Variants in PCDH11X observed in about 807,000 individuals in gnomAD.
The protein encoded by PCDH11X is protocadherin-11 X-linked.
A neutral mutation model predicts 53.3 loss-of-function variants in PCDH11X; 18 were observed. The observed-to-expected ratio is 0.34, with a 90% CI of 0.23 to 0.50. The LOEUF is 0.50. PCDH11X is among the 20% of genes least tolerant of loss of function. The probability of loss-of-function intolerance (pLI) is 0.98; values close to 1 mark genes in which losing one functional copy is unlikely to be tolerated. For missense variants in PCDH11X, 570 were observed against 1,032.4 expected (o/e 0.55, Z 6.14); for synonymous variants, 279 against 393.3 (o/e 0.71, Z 3.44).
intron 10 of PCDH11X, among the ~76,000 whole-genome samples, chrX:92,613,185 G>T (rs923291389): frequency 2.9e-4 from 32 of 109,603 alleles, no homozygotes; most frequent in African/African-American, 1.1e-3. Context: ...TTTTGTGGTT[G>T]CTTTATAGGG....
At chrX:92,068,480 C>T (rs1240095499) in intron 6 of PCDH11X, among the ~76,000 whole-genome samples, 5 of 108,981 alleles carry the variant, frequency 4.6e-5, no homozygotes, top group Non-Finnish European at 9.5e-5. Flanking sequence ...ATAGCTTCCA[C>T]AATTCCTCTG....
chrX:92,466,929 A>C (rs750728823), intron 9 of PCDH11X, among the ~76,000 whole-genome samples: 1 of 109,746 alleles, frequency 9.1e-6, no homozygotes, highest in East Asian at 2.9e-4. Context: ...TTCTCTTTTT[A>C]GAGTTTTGTA....
At chrX:92,488,320 G>A (rs1444785851) in intron 10 of PCDH11X, among the ~76,000 whole-genome samples, 1 of 111,233 alleles carries the variant, frequency 9.0e-6, no homozygotes, top group African/African-American at 3.3e-5. Context: ...TAAGCTCTAT[G>A]ATGGCAGCAG....
At chrX:92,253,868 A>T (rs2067509323) in intron 7 of PCDH11X, among the ~76,000 whole-genome samples, 1 of 112,066 alleles carries the variant, frequency 8.9e-6, no homozygotes, top group African/African-American at 3.2e-5. Flanking sequence ...ATATAAGAAC[A>T]TATGATCTGC....
intron 6 of PCDH11X, among the ~76,000 whole-genome samples, chrX:92,199,707 G>A (rs1232221187): frequency 9.1e-6 from 1 of 110,052 alleles, no homozygotes; most frequent in Non-Finnish European, 1.9e-5. Context: ...ATATTGGCAG[G>A]GGTGGGGGGA....
At chrX:92,397,486 G>C (rs2071273652) in intron 9 of PCDH11X, among the ~76,000 whole-genome samples, 1 of 109,072 alleles carries the variant, frequency 9.2e-6, no homozygotes, top group African/African-American at 3.4e-5. Context: ...TTTTTGGGTG[G>C]GGGGACGGAA....
In PCDH11X at chrX:92,622,355, A is replaced by AAAATTAAAG. The variant is rs1928573734; in HGVS notation, c.*3416_*3424dup. ...ACAAAAAATCCTTTTCAATCCTGAG[A>AAAATTAAAG]AAATTAAAGGCGTTTTACTCACATG... is the stretch of plus-strand genomic sequence containing the variant. On this transcript the variant is annotated 3_prime_UTR_variant, in exon 11 of 11. Coordinates refer to ENST00000682573, the MANE Select transcript of PCDH11X (RefSeq NM_032968.5). The AAAATTAAAG allele has an allele frequency of 9.0e-6, 1 of 110,813 alleles. No homozygotes were observed. Among genetic ancestry groups the AAAATTAAAG allele is most frequent in the Non-Finnish European group, 1.9e-5 (1 of 52,763 alleles). The allele number at this position is 110,813 out of a possible 1,213,427, so 9.1% of individuals were successfully genotyped here.
At chrX:91,990,101 C>T (rs1384966651) in intron 6 of PCDH11X, among the ~76,000 whole-genome samples, 1 of 109,746 alleles carries the variant, frequency 9.1e-6, no homozygotes, top group African/African-American at 3.3e-5. Context: ...TTAAACCCAT[C>T]CACTGAGTTT....
At chrX:92,211,767 T>C (rs2066590226) in intron 7 of PCDH11X, among the ~76,000 whole-genome samples, 1 of 111,807 alleles carries the variant, frequency 8.9e-6, no homozygotes, top group Non-Finnish European at 1.9e-5. Flanking sequence ...CTATAATTTA[T>C]GACAGAATGA....
intron 9 of PCDH11X, among the ~76,000 whole-genome samples, chrX:92,408,917 A>G (rs1461707368): frequency 6.7e-5 from 7 of 104,903 alleles, no homozygotes; most frequent in Non-Finnish European, 5.8e-5. Context: ...TCAAATCTAT[A>G]TAGAATTTAT....
intron 8 of PCDH11X, among the ~76,000 whole-genome samples, chrX:92,334,094 CTG>C (rs1449096425): frequency 1.5e-4 from 17 of 111,434 alleles, no homozygotes; most frequent in African/African-American, 5.2e-4. Flanking sequence ...AACTTACAAA[CTG>C]TGTAGCCTAC....
chrX:92,353,720 A>T lies in PCDH11X; in HGVS notation c.3145-34015A>T, dbSNP rs906012880. On this transcript the variant is annotated intron_variant, in intron 8 of 10. Transcript: ENST00000682573. ...TCTTTCCATTTCTTTAGCTATCTTT[A>T]ACATTCACATCGAATAATTTTCTAA... Among the ~76,000 whole-genome samples the T allele has an allele frequency of 4.6e-5, 5 of 108,825 alleles. No homozygotes were observed. The South Asian group carries it at 1.2e-3, about 26-fold the overall frequency. 94.5% of individuals were successfully genotyped at this position (108,825 alleles called of 115,157 possible).
intron 10 of PCDH11X, among the ~76,000 whole-genome samples, chrX:92,563,047 G>GTTTTTTTTTTT (rs61411325): frequency 2.3e-5 from 1 of 43,875 alleles, no homozygotes; most frequent in African/African-American, 9.6e-5. Context: ...CCTTGGTACC[G>GTTTTTTTTTTT]TTTTTTTTTT....
rs58574424 is a variant in PCDH11X at position 92,575,905 on chromosome X, G to GTATATATA, written c.3368-42326_3368-42319dup. Among the ~76,000 whole-genome samples, 5 of 25,828 alleles carry GTATATATA rather than the reference G, an allele frequency of 1.9e-4. No homozygotes were observed. In the East Asian group the frequency reaches 0.01, roughly 53 times the overall value. 22.4% of individuals were successfully genotyped at this position (25,828 alleles called of 115,157 possible). ...CGGAATTTTGTAGGTTACCTGGTGTGTATATATATATATATATATATATAT... is the reference window on the plus strand; with the variant it reads ...CGGAATTTTGTAGGTTACCTGGTGTGTATATATATATATATATATATATATATATATAT... On this transcript the variant is annotated intron_variant, in intron 10 of 10. Coordinates refer to ENST00000682573, the MANE Select transcript of PCDH11X (RefSeq NM_032968.5).
At chrX:92,019,714 A>G (rs2062853344) in intron 6 of PCDH11X, among the ~76,000 whole-genome samples, 1 of 112,358 alleles carries the variant, frequency 8.9e-6, no homozygotes, top group South Asian at 3.7e-4. Flanking sequence ...GGCAGTGTTT[A>G]GCGGGAAACT....
chrX:92,001,868 A>C (rs918859148), intron 6 of PCDH11X, among the ~76,000 whole-genome samples: 9 of 107,011 alleles, frequency 8.4e-5, no homozygotes, highest in Non-Finnish European at 3.9e-5. Flanking sequence ...CACTTTTTTT[A>C]TTGTATCTTT....
chrX:92,494,116 C>T (rs1252890724), intron 10 of PCDH11X, among the ~76,000 whole-genome samples: 2 of 109,410 alleles, frequency 1.8e-5, no homozygotes, highest in Non-Finnish European at 3.8e-5. Context: ...TGCATATTAT[C>T]TATTCTAAAG....
At chrX:92,306,324 G>A (rs2068827263) in intron 8 of PCDH11X, among the ~76,000 whole-genome samples, 1 of 104,825 alleles carries the variant, frequency 9.5e-6, no homozygotes, top group Non-Finnish European at 2.0e-5. Flanking sequence ...ACATCATAAA[G>A]AATTAGAGAA....
At chrX:92,315,008 A>G (rs780001074) in intron 8 of PCDH11X, among the ~76,000 whole-genome samples, 1 of 110,919 alleles carries the variant, frequency 9.0e-6, no homozygotes, top group Admixed American at 9.6e-5. Flanking sequence ...TTGAGTTTCC[A>G]TTTCATTTAT....
Sources: allele counts gnomAD v4.1 joint callset (sites outside exome capture counted in the v4.1 genomes callset), GRCh38; gene constraint gnomAD v4.1.1; transcripts MANE v1.5; gene names NCBI Gene and HGNC (gene_info 2026-07-23, HGNC 2026-07-21).